The following CLSTN2 variants were observed in gnomAD, a reference collection of about 807,000 sequenced individuals.
CLSTN2 encodes the protein calsyntenin-2.
Under a neutral mutation model 101.2 loss-of-function variants are expected in CLSTN2, and 48 were observed. The ratio of observed to expected loss-of-function variants is 0.47; its 90% CI spans 0.38 to 0.60. The LOEUF (loss-of-function observed/expected upper bound fraction) is 0.60, where lower values mean the gene tolerates loss of function less well. Among genes scored for constraint, CLSTN2 ranks in the 20% least tolerant of loss-of-function variants. The probability of loss-of-function intolerance (pLI) is 0.00; values close to 1 mark genes in which losing one functional copy is unlikely to be tolerated. For missense variants in CLSTN2, 1,160 were observed against 1,238.2 expected (o/e 0.94, Z 0.95); for synonymous variants, 481 against 463.6 (o/e 1.04, Z -0.48).
chr3:140,480,165 A>T (rs1433518193), intron 8 of CLSTN2, among the ~76,000 whole-genome samples: 1 of 148,508 alleles, frequency 6.7e-6, no homozygotes, highest in African/African-American at 2.5e-5. Flanking sequence ...CTCACTGTTC[A>T]GTTCCCACCT....
chr3:139,951,281 G>A lies in CLSTN2; in HGVS notation c.109+15798G>A, dbSNP rs1301921992. Among the ~76,000 whole-genome samples, 6 of 152,150 alleles carry A rather than the reference G, an allele frequency of 3.9e-5. No homozygotes were observed. The East Asian group carries it at 1.2e-3, about 29-fold the overall frequency. On this transcript the variant is annotated intron_variant, in intron 1 of 16. Coordinates refer to ENST00000458420, the MANE Select transcript of CLSTN2 (RefSeq NM_022131.3). ...CAGGCCGAAATTGCCTTAAAGGGTA[G>A]ACAATTTCTAGAACAGTAAATAGGT... is the stretch of plus-strand genomic sequence containing the variant.
At chr3:140,228,530 C>T (rs1189929853) in intron 2 of CLSTN2, among the ~76,000 whole-genome samples, 2 of 152,336 alleles carry the variant, frequency 1.3e-5, no homozygotes, top group East Asian at 3.9e-4. Flanking sequence ...TACCCAGTTC[C>T]AAAGTTGCTT....
chr3:140,191,639 A>C (rs1452152834), intron 2 of CLSTN2, among the ~76,000 whole-genome samples: 1 of 151,912 alleles, frequency 6.6e-6, no homozygotes, highest in Admixed American at 6.6e-5. Flanking sequence ...TTTTTCAAAG[A>C]ATTGGTCCAT....
chr3:140,411,278 C>G (rs1247630412), intron 4 of CLSTN2, among the ~76,000 whole-genome samples: 1 of 152,098 alleles, frequency 6.6e-6, no homozygotes, highest in Non-Finnish European at 1.5e-5. Context: ...GGTAGCTATA[C>G]TTATATCAAA....
intron 1 of CLSTN2, among the ~76,000 whole-genome samples, chr3:140,105,242 C>T (rs1173698409): frequency 1.3e-5 from 2 of 152,196 alleles, no homozygotes. Context: ...TGACAAAGTG[C>T]ATTCATATGC....
chr3:140,147,463 T>A (rs1290568527), intron 1 of CLSTN2, among the ~76,000 whole-genome samples: 1 of 152,172 alleles, frequency 6.6e-6, no homozygotes, highest in Admixed American at 6.5e-5. Context: ...CACACTCCTA[T>A]GGACATGACA....
At chr3:140,415,510 A>AC (rs1559863005) in intron 4 of CLSTN2, among the ~76,000 whole-genome samples, 2 of 128,164 alleles carry the variant, frequency 1.6e-5, no homozygotes, top group African/African-American at 2.8e-5. Context: ...AAAAAAAAAA[A>AC]CAAACTGATT....
At chr3:140,527,150 C>A (rs1444988414) in intron 8 of CLSTN2, among the ~76,000 whole-genome samples, 2 of 152,076 alleles carry the variant, frequency 1.3e-5, no homozygotes, top group Non-Finnish European at 2.9e-5. Flanking sequence ...AAACAGCCTA[C>A]AGGATGGGAG....
At chr3:140,443,777 A>G (rs1933016310) in intron 5 of CLSTN2, among the ~76,000 whole-genome samples, 1 of 152,216 alleles carries the variant, frequency 6.6e-6, no homozygotes, top group African/African-American at 2.4e-5. Context: ...TCCCTGTGTT[A>G]GGCCCTTAGC....
chr3:140,333,682 CTG>C (rs10545391), intron 2 of CLSTN2, among the ~76,000 whole-genome samples: 53,997 of 147,216 alleles, frequency 0.37, 11,553 homozygotes, highest in Non-Finnish European at 0.51. Flanking sequence ...AGAGTGGAGA[CTG>C]TGTGTGTGTG....
intron 1 of CLSTN2, among the ~76,000 whole-genome samples, chr3:140,027,825 A>G (rs756785384): frequency 2.6e-5 from 4 of 152,210 alleles, no homozygotes; most frequent in Non-Finnish European, 4.4e-5. Flanking sequence ...GGGACAAAAG[A>G]GAAGGGATAG....
At chr3:140,211,521 G>T (rs1212472422) in intron 2 of CLSTN2, among the ~76,000 whole-genome samples, 2 of 119,764 alleles carry the variant, frequency 1.7e-5, no homozygotes, top group African/African-American at 3.3e-5. Context: ...GGGACTCCAA[G>T]GATCAAAATC....
At chr3:140,426,250 A>G (rs2088563903) in intron 5 of CLSTN2, among the ~76,000 whole-genome samples, 1 of 152,194 alleles carries the variant, frequency 6.6e-6, no homozygotes, top group Non-Finnish European at 1.5e-5. Flanking sequence ...CGCCACATGC[A>G]GTAGCTATTT....
intron 2 of CLSTN2, among the ~76,000 whole-genome samples, chr3:140,370,511 T>A (rs2087841134): frequency 6.6e-6 from 1 of 152,082 alleles, no homozygotes. Flanking sequence ...GAGGGAATTG[T>A]CATGGAAAGC....
intron 7 of CLSTN2, among the ~76,000 whole-genome samples, chr3:140,465,364 T>C (rs539042858): frequency 6.6e-6 from 1 of 152,352 alleles, no homozygotes; most frequent in South Asian, 2.1e-4. Flanking sequence ...CTCTTCTGTT[T>C]GCTTTCTGCT....
chr3:140,003,350 G>A (rs1423377418), intron 1 of CLSTN2, among the ~76,000 whole-genome samples: 1 of 151,852 alleles, frequency 6.6e-6, no homozygotes, highest in African/African-American at 2.4e-5. Flanking sequence ...TTTTCGTATT[G>A]TTCACTATTG....
At chr3:140,490,576 C>A (rs1334720138) in intron 8 of CLSTN2, among the ~76,000 whole-genome samples, 1 of 137,036 alleles carries the variant, frequency 7.3e-6, no homozygotes, top group Admixed American at 8.1e-5. Flanking sequence ...TCCTGGGTGA[C>A]AGAGCGAGAC....
chr3:140,153,421 A>C (rs2107815373), intron 1 of CLSTN2, among the ~76,000 whole-genome samples: 1 of 152,382 alleles, frequency 6.6e-6, no homozygotes, highest in African/African-American at 2.4e-5. Flanking sequence ...CATTCTGCCC[A>C]GCAGCAGTGC....
intron 1 of CLSTN2, among the ~76,000 whole-genome samples, chr3:139,994,310 G>A (rs1936165061): frequency 6.6e-6 from 1 of 152,160 alleles, no homozygotes; most frequent in South Asian, 2.1e-4. Context: ...ACCTTTCCTT[G>A]TGTTTCTACA....
Sources: gnomAD v4.1 joint callset for allele counts (sites outside exome capture counted in the v4.1 genomes callset) on GRCh38, gnomAD v4.1.1 for gene constraint, MANE v1.5 for transcripts, NCBI Gene and HGNC (gene_info 2026-07-23, HGNC 2026-07-21) for gene names.